Variants in SLC2A13 observed in about 807,000 individuals in gnomAD.
SLC2A13 encodes solute carrier family 2 member 13.
In SLC2A13, 32 loss-of-function variants were observed where a neutral mutation model predicts 64.4. That is an observed-to-expected ratio of 0.50 (90% confidence interval 0.37 to 0.67). SLC2A13 has a LOEUF of 0.67. Among genes scored for constraint, SLC2A13 ranks in the 30% least tolerant of loss-of-function variants. The probability of loss-of-function intolerance (pLI) is 0.00; values close to 1 mark genes in which losing one functional copy is unlikely to be tolerated. For missense variants in SLC2A13, 743 were observed against 829.2 expected (o/e 0.90, Z 1.28); for synonymous variants, 338 against 327.1 (o/e 1.03, Z -0.36).
chr12:40,077,985 A>G (rs1938244341), intron 1 of SLC2A13, among the ~76,000 whole-genome samples: 8 of 152,038 alleles, frequency 5.3e-5, no homozygotes. Flanking sequence ...TGCTACTGAT[A>G]CTTGTACATT....
At chr12:39,878,982 C>T (rs1365800771) in intron 4 of SLC2A13, among the ~76,000 whole-genome samples, 1 of 152,232 alleles carries the variant, frequency 6.6e-6, no homozygotes, top group Non-Finnish European at 1.5e-5. Flanking sequence ...GACACTGCTC[C>T]CCACATACTG....
intron 1 of SLC2A13, chr12:40,068,552 C>A (rs1937829510): frequency 4.7e-6 from 1 of 210,840 alleles, no homozygotes; most frequent in South Asian, 8.3e-5. Flanking sequence ...TAGCGTTGAT[C>A]AACTCCAGTG....
intron 7 of SLC2A13, among the ~76,000 whole-genome samples, chr12:39,766,692 G>A (rs1399235518): frequency 6.6e-6 from 1 of 152,036 alleles, no homozygotes. Context: ...AACTAAGTTC[G>A]TGTGATACTG....
intron 3 of SLC2A13, among the ~76,000 whole-genome samples, chr12:39,980,141 C>T (rs1014758858): frequency 7.0e-4 from 103 of 146,610 alleles, no homozygotes; most frequent in Middle Eastern, 3.6e-3. Context: ...TTTGTCACCA[C>T]CAGGCCTGCC....
Position 39,896,549 on chromosome 12 carries a change from T to C in SLC2A13, c.1035-24588A>G, listed in dbSNP as rs553304956. On this transcript the variant is annotated intron_variant, in intron 4 of 9. Transcript: ENST00000280871. Reference sequence around the variant, plus strand: ...GTATACATGTATGTATGTATGTGTGTATACATGTATACATATATGTATGTA... The same window carrying C: ...GTATACATGTATGTATGTATGTGTGCATACATGTATACATATATGTATGTA... Among the ~76,000 whole-genome samples the C allele has an allele frequency of 4.2e-5, 6 of 141,404 alleles. 1 individual carries two copies. The South Asian group carries it at 1.1e-3, about 27-fold the overall frequency. The allele number at this position is 141,404 out of a possible 152,430, so 92.8% of individuals were successfully genotyped here.
chr12:40,046,420 G>T (rs1948172323), intron 2 of SLC2A13, among the ~76,000 whole-genome samples: 1 of 152,178 alleles, frequency 6.6e-6, no homozygotes, highest in South Asian at 2.1e-4. Flanking sequence ...AGTGAAAAAT[G>T]TGATTTATGC....
chr12:39,768,020 C>G (rs1940425407), intron 7 of SLC2A13, among the ~76,000 whole-genome samples: 1 of 152,090 alleles, frequency 6.6e-6, no homozygotes, highest in Admixed American at 6.6e-5. Context: ...CAGACTAATA[C>G]ATCACCTTTA....
At chr12:39,870,310 A>T (rs1222943638) in intron 5 of SLC2A13, among the ~76,000 whole-genome samples, 1 of 152,212 alleles carries the variant, frequency 6.6e-6, no homozygotes, top group East Asian at 1.9e-4. Context: ...ATTCATCTGA[A>T]AATCAAGGGT....
intron 6 of SLC2A13, among the ~76,000 whole-genome samples, chr12:39,848,398 G>A (rs1405770718): frequency 2.0e-5 from 3 of 152,020 alleles, no homozygotes; most frequent in African/African-American, 4.8e-5. Flanking sequence ...GATGACATAC[G>A]TGCAGCCAAG....
chr12:39,819,334 C>T (rs1942425509), intron 7 of SLC2A13, among the ~76,000 whole-genome samples: 1 of 152,094 alleles, frequency 6.6e-6, no homozygotes, highest in African/African-American at 2.4e-5. Flanking sequence ...AACTAAGTCA[C>T]AGTTATAGGA....
At chr12:39,937,255 A>G (rs896326579) in intron 4 of SLC2A13, among the ~76,000 whole-genome samples, 1 of 152,206 alleles carries the variant, frequency 6.6e-6, no homozygotes, top group Admixed American at 6.5e-5. Flanking sequence ...GTCACAGCAT[A>G]TGCTTTTAAA....
At chr12:40,093,478 T>C (rs1938832400) in intron 1 of SLC2A13, among the ~76,000 whole-genome samples, 1 of 152,170 alleles carries the variant, frequency 6.6e-6, no homozygotes, top group Admixed American at 6.5e-5. Flanking sequence ...TTCATGGAGA[T>C]TACACTCTAG....
chr12:39,795,422 ATT>A (rs1941542980), intron 7 of SLC2A13, among the ~76,000 whole-genome samples: 2 of 152,196 alleles, frequency 1.3e-5, no homozygotes, highest in Middle Eastern at 3.4e-3. Context: ...ATTCTCTTTT[ATT>A]TTTTAAATAT....
intron 3 of SLC2A13, among the ~76,000 whole-genome samples, chr12:40,000,806 TGTA>T (rs1947310745): frequency 6.6e-6 from 1 of 152,222 alleles, no homozygotes; most frequent in South Asian, 2.1e-4. Context: ...TATCTCCAAA[TGTA>T]GTCACATTAT....
In SLC2A13 at chr12:39,996,444, G is replaced by T. The variant is rs143758050; in HGVS notation, c.925+31857C>A. ...TGAGGAGAAATCCAAGCCAGCTGCA[G>T]AAATTTGCATAAGTAACGAGAAGCC... On this transcript the variant is annotated intron_variant, in intron 3 of 9. Coordinates refer to ENST00000280871, the MANE Select transcript of SLC2A13 (RefSeq NM_052885.4). Among the ~76,000 whole-genome samples the T allele has an allele frequency of 4.1e-3, 624 of 152,344 alleles. 1 individual carries two copies. The highest frequency in any genetic ancestry group is 0.014 in the African/African-American group (580 of 41,588).
At chr12:40,098,951 C>A (rs1939054564) in intron 1 of SLC2A13, among the ~76,000 whole-genome samples, 1 of 152,196 alleles carries the variant, frequency 6.6e-6, no homozygotes, top group Non-Finnish European at 1.5e-5. Context: ...ATCAGAAGAA[C>A]ACTGGTGCCA....
intron 2 of SLC2A13, among the ~76,000 whole-genome samples, chr12:40,038,119 C>A (rs1266234641): frequency 2.0e-5 from 3 of 152,160 alleles, no homozygotes; most frequent in African/African-American, 7.2e-5. Context: ...TTCTCTACTG[C>A]AATCACTTTT....
Position 39,755,973 on chromosome 12 carries a change from C to T in SLC2A13, c.*4053G>A, listed in dbSNP as rs1436623372. The stretch of plus-strand genomic sequence containing the variant: ...ACAAGATACAAGAAAGAGTTGGTAG[C>T]AGTTAGCTATTTGGCATTTTTAAAT... On this transcript the variant is annotated 3_prime_UTR_variant, in exon 10 of 10. Coordinates refer to ENST00000280871, the MANE Select transcript of SLC2A13 (RefSeq NM_052885.4). 1 of 151,920 alleles carries T rather than the reference C, an allele frequency of 6.6e-6. No individual in the cohort carries two copies. The highest frequency in any genetic ancestry group is 1.5e-5 in the Non-Finnish European group (1 of 67,810). The allele number at this position is 151,920 out of a possible 1,614,324, so 9.4% of individuals were successfully genotyped here. A position where few individuals can be genotyped will look rare whatever the true frequency, so the allele number is the denominator to read the frequency against.
intron 4 of SLC2A13, among the ~76,000 whole-genome samples, chr12:39,887,981 C>T (rs1944511016): frequency 6.6e-6 from 1 of 152,152 alleles, no homozygotes; most frequent in South Asian, 2.1e-4. Context: ...TATCCCACAT[C>T]ACCACCCCAC....
Sources: gnomAD v4.1 joint callset for allele counts (sites outside exome capture counted in the v4.1 genomes callset) on GRCh38, gnomAD v4.1.1 for gene constraint, MANE v1.5 for transcripts, NCBI Gene and HGNC (gene_info 2026-07-23, HGNC 2026-07-21) for gene names.